FGD4: variants seen among roughly 807,000 people sequenced by gnomAD.
The protein encoded by FGD4 is FYVE, RhoGEF and PH domain-containing protein 4.
FGD4 carries 42 observed loss-of-function variants against 102.0 expected under a neutral mutation model. That is an observed-to-expected ratio of 0.41 (90% confidence interval 0.32 to 0.53). The LOEUF (loss-of-function observed/expected upper bound fraction) is 0.53, where lower values mean the gene tolerates loss of function less well. Ranked by LOEUF, FGD4 falls within the 20% of genes least tolerant of loss-of-function variation. The pLI, the probability that FGD4 is intolerant of heterozygous loss-of-function variation, is 0.21. For missense variants in FGD4, 902 were observed against 1,078.2 expected, an observed-to-expected ratio of 0.84 and a Z score of 2.29; for synonymous variants, 380 against 375.7, an observed-to-expected ratio of 1.01 and a Z score of -0.13.
chr12:32,426,132 G>A (rs1941822866), intron 1 of FGD4, among the ~76,000 whole-genome samples: 1 of 152,140 alleles, frequency 6.6e-6, no homozygotes, highest in South Asian at 2.1e-4. Flanking sequence ...GGGCATCCTT[G>A]TGTTGTGCCA....
intron 1 of FGD4, among the ~76,000 whole-genome samples, chr12:32,540,408 G>A (rs1942714885): frequency 6.6e-6 from 1 of 152,172 alleles, no homozygotes; most frequent in Non-Finnish European, 1.5e-5. Flanking sequence ...AAGAACCAAC[G>A]TATGCAAAAG....
chr12:32,438,610 G>GTT (rs148955585), intron 1 of FGD4, among the ~76,000 whole-genome samples: 58,000 of 149,596 alleles, frequency 0.39, 11,780 homozygotes, highest in African/African-American at 0.49. Context: ...TTGTTTGTTT[G>GTT]TGTGTGTTTT....
chr12:32,540,808 G>A (rs1355736079), intron 1 of FGD4, among the ~76,000 whole-genome samples: 6 of 151,822 alleles, frequency 4.0e-5, no homozygotes, highest in East Asian at 1.9e-4. Flanking sequence ...CAGGTGATTC[G>A]CCCGCCTCTG....
chr12:32,626,583 G>C (rs1023809429), intron 14 of FGD4, among the ~76,000 whole-genome samples: 5 of 152,104 alleles, frequency 3.3e-5, no homozygotes, highest in African/African-American at 1.2e-4. Context: ...GACTGCCAAA[G>C]ATCATGAGGC....
At chr12:32,505,224 C>CT (rs1402811666) in intron 1 of FGD4, among the ~76,000 whole-genome samples, 1 of 152,150 alleles carries the variant, frequency 6.6e-6, no homozygotes, top group Non-Finnish European at 1.5e-5. Flanking sequence ...AAATTGCCCT[C>CT]TTGCTTTCTC....
intron 1 of FGD4, among the ~76,000 whole-genome samples, chr12:32,428,327 A>T (rs1359004920): frequency 1.3e-5 from 2 of 152,186 alleles, no homozygotes; most frequent in African/African-American, 4.8e-5. Context: ...TATGAAGCTT[A>T]GTTTGGCTGG....
intron 1 of FGD4, among the ~76,000 whole-genome samples, chr12:32,537,763 G>A (rs1205596357): frequency 6.6e-6 from 1 of 152,152 alleles, no homozygotes; most frequent in Non-Finnish European, 1.5e-5. Flanking sequence ...TTCCCTTCAT[G>A]TCTACTCAGC....
chr12:32,492,240 T>C (rs541628935), intron 1 of FGD4, among the ~76,000 whole-genome samples: 6 of 152,224 alleles, frequency 3.9e-5, no homozygotes, highest in Admixed American at 1.3e-4. Context: ...ATTAGGTTCA[T>C]AAACAGTGCC....
At chr12:32,577,848 G>A (rs765388150) in intron 3 of FGD4, among the ~76,000 whole-genome samples, 1 of 152,148 alleles carries the variant, frequency 6.6e-6, no homozygotes, top group African/African-American at 2.4e-5. Context: ...CTGCATAATA[G>A]GAGGGGCTGG....
At chr12:32,568,439 GTCTT>G (rs1282747592) in intron 2 of FGD4, among the ~76,000 whole-genome samples, 62 of 152,326 alleles carry the variant, frequency 4.1e-4, no homozygotes, top group African/African-American at 1.5e-3. Flanking sequence ...TCCAGCATAA[GTCTT>G]TCTTCTTGTT....
intron 1 of FGD4, among the ~76,000 whole-genome samples, chr12:32,504,578 CTTCCAACTT>C (rs886569498): frequency 3.9e-5 from 6 of 152,212 alleles, no homozygotes; most frequent in African/African-American, 1.4e-4. Context: ...TCTGTGGTTT[CTTCCAACTT>C]TTCCAACTGT....
chr12:32,590,643 G>A (rs1270956188), intron 4 of FGD4, among the ~76,000 whole-genome samples: 1 of 152,080 alleles, frequency 6.6e-6, no homozygotes, highest in Non-Finnish European at 1.5e-5. Flanking sequence ...TATGACTTTG[G>A]GCAAGTTACT....
intron 16 of FGD4, among the ~76,000 whole-genome samples, chr12:32,640,005 A>G (rs1951073898): frequency 6.6e-6 from 1 of 152,140 alleles, no homozygotes; most frequent in Non-Finnish European, 1.5e-5. Flanking sequence ...CTGAATGAAG[A>G]GTTGAAAGGC....
chr12:32,591,467 C>T (rs1386855456), intron 4 of FGD4, among the ~76,000 whole-genome samples: 2 of 152,144 alleles, frequency 1.3e-5, no homozygotes. Flanking sequence ...GAAGATTTTG[C>T]ATTTGAAGCA....
chr12:32,429,425 C>T (rs1941970392), intron 1 of FGD4, among the ~76,000 whole-genome samples: 1 of 152,206 alleles, frequency 6.6e-6, no homozygotes, highest in African/African-American at 2.4e-5. Context: ...GCACCCTCCA[C>T]ATGCCAGACA....
chr12:32,552,944 A>ATT (rs71068326), intron 1 of FGD4, among the ~76,000 whole-genome samples: 1,809 of 123,840 alleles, frequency 0.015, 35 homozygotes, highest in South Asian at 0.046. Flanking sequence ...CGCCTGGCTA[A>ATT]TTTTTTTTTT....
At chr12:32,560,248 A>G (rs1310346771) in intron 1 of FGD4, among the ~76,000 whole-genome samples, 2 of 152,292 alleles carry the variant, frequency 1.3e-5, no homozygotes, top group East Asian at 3.9e-4. Flanking sequence ...TCTTCTGTTT[A>G]TAATTTTATT....
At chr12:32,576,526 A>T in intron 3 of FGD4, 77 bp downstream of exon 3, 1 of 1,483,396 alleles carries the variant, frequency 6.7e-7, no homozygotes, top group South Asian at 1.2e-5. Context: ...TCATAGATAC[A>T]TTCTAAATAA....
intron 1 of FGD4, among the ~76,000 whole-genome samples, chr12:32,550,142 GTCTC>G (rs1030921370): frequency 2.6e-5 from 4 of 152,178 alleles, no homozygotes; most frequent in Non-Finnish European, 5.9e-5. Flanking sequence ...TGTCTTATTT[GTCTC>G]TCTGTCTCTA....
Sources: gnomAD v4.1 joint callset for allele counts (sites outside exome capture counted in the v4.1 genomes callset) on GRCh38, gnomAD v4.1.1 for gene constraint, MANE v1.5 for transcripts, NCBI Gene and HGNC (gene_info 2026-07-23, HGNC 2026-07-21) for gene names.